Variants in INPP5A observed in about 807,000 individuals in gnomAD.
INPP5A encodes the protein inositol polyphosphate-5-phosphatase A.
INPP5A carries 14 observed loss-of-function variants against 65.2 expected under a neutral mutation model. The ratio of observed to expected loss-of-function variants is 0.21; its 90% CI spans 0.14 to 0.34. The LOEUF is 0.34. Among genes scored for constraint, INPP5A ranks in the 10% least tolerant of loss-of-function variants. The pLI, the probability that INPP5A is intolerant of heterozygous loss-of-function variation, is 1.00. For synonymous variants in INPP5A, 207 were observed against 208.3 expected (o/e 0.99, Z 0.05); for missense variants, 431 against 545.6 (o/e 0.79, Z 2.09).
chr10:132,605,371 C>T (rs1458234296), intron 1 of INPP5A, among the ~76,000 whole-genome samples: 3 of 59,962 alleles, frequency 5.0e-5, no homozygotes, highest in South Asian at 7.2e-4. Context: ...GAGGGGGAAG[C>T]GGCTGGGGGA....
At chr10:132,565,127 C>T (rs911767358) in intron 1 of INPP5A, among the ~76,000 whole-genome samples, 4 of 152,188 alleles carry the variant, frequency 2.6e-5, no homozygotes, top group South Asian at 4.2e-4. Context: ...GTTTTGTTTT[C>T]GAGTCAAGGT....
At chr10:132,686,941 A>C (rs1288004645) in intron 4 of INPP5A, among the ~76,000 whole-genome samples, 2 of 152,170 alleles carry the variant, frequency 1.3e-5, no homozygotes, top group Admixed American at 1.3e-4. Context: ...CTGGCTTTTT[A>C]ATTTTAATTT....
chr10:132,661,875 C>T (rs1380077416), intron 4 of INPP5A, among the ~76,000 whole-genome samples: 1 of 152,194 alleles, frequency 6.6e-6, no homozygotes, highest in Non-Finnish European at 1.5e-5. Context: ...AAGTGGCCCA[C>T]TATTGATCTT....
In INPP5A at chr10:132,644,387, C is replaced by T. The variant is rs995252859; in HGVS notation, c.118-1481C>T. On this transcript the variant is annotated intron_variant, in intron 2 of 15. Coordinates refer to ENST00000368594, the MANE Select transcript of INPP5A (RefSeq NM_005539.5). The surrounding 1 kb of genome is among the most constrained non-coding windows in gnomAD (Gnocchi z 6.5). ...GTTTCTGTCTCCCCAGCCTGAGCCCCGTCTTCACCTGCAGCACAGACAGGG... is the reference window on the plus strand; with the variant it reads ...GTTTCTGTCTCCCCAGCCTGAGCCCTGTCTTCACCTGCAGCACAGACAGGG... Among the ~76,000 whole-genome samples the T allele has an allele frequency of 2.6e-5, 4 of 152,214 alleles. No individual in the cohort carries two copies. The highest frequency in any genetic ancestry group is 5.9e-5 in the Non-Finnish European group (4 of 68,038).
chr10:132,654,709 A>G (rs779577872), intron 4 of INPP5A, among the ~76,000 whole-genome samples: 1 of 152,260 alleles, frequency 6.6e-6, no homozygotes, highest in Non-Finnish European at 1.5e-5. Context: ...TAGGCCATTA[A>G]TTGAAAAAGG....
At chr10:132,571,581 C>T (rs2071342183) in intron 1 of INPP5A, among the ~76,000 whole-genome samples, 1 of 152,212 alleles carries the variant, frequency 6.6e-6, no homozygotes, top group Non-Finnish European at 1.5e-5. Flanking sequence ...ATATTTATGT[C>T]CTTTATGTGC....
At chr10:132,633,515 T>C (rs192485493) in intron 2 of INPP5A, among the ~76,000 whole-genome samples, 2 of 152,320 alleles carry the variant, frequency 1.3e-5, no homozygotes, top group East Asian at 1.9e-4. Flanking sequence ...GGGTTCGTAC[T>C]GTCTGAGCCT....
chr10:132,662,583 G>A (rs746733997), intron 4 of INPP5A, among the ~76,000 whole-genome samples: 13 of 152,290 alleles, frequency 8.5e-5, no homozygotes, highest in Admixed American at 2.0e-4. Context: ...GTGGTTTCCC[G>A]GGGAAGGGGT....
chr10:132,754,767 G>A (rs1437197233), intron 11 of INPP5A, among the ~76,000 whole-genome samples: 3 of 152,180 alleles, frequency 2.0e-5, no homozygotes, highest in Admixed American at 6.5e-5. Flanking sequence ...CCCAGCCACC[G>A]AAAACCTTGG....
intron 1 of INPP5A, among the ~76,000 whole-genome samples, chr10:132,541,499 G>A (rs892390276): frequency 6.6e-6 from 1 of 152,188 alleles, no homozygotes; most frequent in African/African-American, 2.4e-5. Context: ...ACAGTGTACC[G>A]GTCCCCAAGC....
rs555755037 is a variant in INPP5A, at chr10:132,697,324, G to A, written c.371-492G>A. ...CTATCCACTGGGGGGTCCAGGAAAG[G>A]TGCCAAGCAGCCACTGGCAAAGCCC... On this transcript the variant is annotated intron_variant, in intron 5 of 15. Transcript: ENST00000368594. The surrounding 1 kb of genome is among the most constrained non-coding windows in gnomAD (Gnocchi z 5.6). Among the ~76,000 whole-genome samples the A allele has an allele frequency of 5.9e-5, 9 of 152,376 alleles. No individual in the cohort carries two copies. The highest frequency in any genetic ancestry group is 1.9e-4 in the African/African-American group (8 of 41,596).
intron 9 of INPP5A, 70 bp from the exon 10 acceptor site, chr10:132,749,447 G>C (rs1266215719): frequency 7.3e-7 from 1 of 1,378,768 alleles, no homozygotes; most frequent in African/African-American, 1.4e-5. Context: ...ACTGACTCGG[G>C]GTGTCGGGTG....
intron 4 of INPP5A, among the ~76,000 whole-genome samples, chr10:132,657,721 T>C (rs577795350): frequency 6.6e-6 from 1 of 152,252 alleles, no homozygotes; most frequent in Non-Finnish European, 1.5e-5. Flanking sequence ...TGATGGAGTT[T>C]ACGGATGTTC....
Position 132,677,696 on chromosome 10 carries a change from G to A in INPP5A, c.307-12696G>A, listed in dbSNP as rs138987877. Among the ~76,000 whole-genome samples, 364 of 152,328 alleles carry A rather than the reference G, an allele frequency of 2.4e-3. 4 individuals are homozygous for A. The highest frequency in any genetic ancestry group is 7.3e-3 in the African/African-American group (305 of 41,578). On this transcript the variant is annotated intron_variant, in intron 4 of 15. Coordinates refer to ENST00000368594, the MANE Select transcript of INPP5A (RefSeq NM_005539.5). ...CACTCGTCTGGTGGAATTTATCGTG[G>A]CCAGCGAGGGCGATTAAGCGGCTGG...
chr10:132,545,479 G>A lies in INPP5A; in HGVS notation c.75+7308G>A, dbSNP rs1213988866. On this transcript the variant is annotated intron_variant, in intron 1 of 15. Coordinates refer to ENST00000368594, the MANE Select transcript of INPP5A (RefSeq NM_005539.5). This position sits in a 1 kb window ranked among gnomAD's most constrained non-coding sequence, Gnocchi z 4.6. Reference sequence around the variant, plus strand: ...GGGAATGGGGTCCAGGCGGAGGAGGGTGGGCATCTCTCCACATGCCACTCT... The same window carrying A: ...GGGAATGGGGTCCAGGCGGAGGAGGATGGGCATCTCTCCACATGCCACTCT... Among the ~76,000 whole-genome samples the A allele has an allele frequency of 1.3e-5, 2 of 152,186 alleles. No individual in the cohort carries two copies. Among genetic ancestry groups the A allele is most frequent in the Non-Finnish European group, 2.9e-5 (2 of 68,006 alleles).
chr10:132,560,752 T>C (rs567589949), intron 1 of INPP5A, among the ~76,000 whole-genome samples: 2 of 152,066 alleles, frequency 1.3e-5, no homozygotes, highest in Non-Finnish European at 2.9e-5. Context: ...ACTACAGGTG[T>C]GTGTCAGCAT....
chr10:132,653,323 G>A (rs565731042), intron 4 of INPP5A, among the ~76,000 whole-genome samples: 15 of 152,376 alleles, frequency 9.8e-5, no homozygotes, highest in African/African-American at 3.4e-4. Context: ...CGAGGGCTGC[G>A]GCTGCCTCCA....
chr10:132,683,689 G>C (rs1590923315), intron 4 of INPP5A, among the ~76,000 whole-genome samples: 1 of 152,224 alleles, frequency 6.6e-6, no homozygotes, highest in Non-Finnish European at 1.5e-5. Flanking sequence ...ATGTGCAACA[G>C]AGAAATGGAT....
At chr10:132,619,345 G>C (rs1284369532) in intron 2 of INPP5A, among the ~76,000 whole-genome samples, 2 of 152,220 alleles carry the variant, frequency 1.3e-5, no homozygotes, top group African/African-American at 4.8e-5. Context: ...CAGAGTCTAT[G>C]TCCCACACTC....
Sources: gnomAD v4.1 joint callset for allele counts (sites outside exome capture counted in the v4.1 genomes callset) on GRCh38, gnomAD v4.1.1 for gene constraint, Gnocchi (gnomAD v3.1) non-coding constraint, MANE v1.5 for transcripts, NCBI Gene and HGNC (gene_info 2026-07-23, HGNC 2026-07-21) for gene names.